Variants in MACROD2 observed in about 807,000 individuals in gnomAD.
The protein encoded by MACROD2 is mono-ADP ribosylhydrolase 2, also known as ADP-ribose glycohydrolase MACROD2.
In MACROD2, 36 loss-of-function variants were observed where a neutral mutation model predicts 70.4. The ratio of observed to expected loss-of-function variants is 0.51; its 90% CI spans 0.39 to 0.68. The LOEUF (loss-of-function observed/expected upper bound fraction) is 0.68, where lower values mean the gene tolerates loss of function less well. Ranked by LOEUF, MACROD2 falls within the 30% of genes least tolerant of loss-of-function variation. The pLI is 0.00. For synonymous variants in MACROD2, 172 were observed against 178.8 expected (o/e 0.96, Z 0.30); for missense variants, 496 against 538.4 (o/e 0.92, Z 0.78).
Position 14,508,890 on chromosome 20 carries a change from C to T in MACROD2, c.301+15382C>T, listed in dbSNP as rs190828075. ...TGTAGCCACCTATTTATCCATCTAC[C>T]AATCCATCCTTTTTGCTTATAGCAT... On this transcript the variant is annotated intron_variant, in intron 4 of 17. Transcript: ENST00000684519. Among the ~76,000 whole-genome samples the T allele has an allele frequency of 2.0e-3, 310 of 152,154 alleles. 1 individual carries two copies. Among genetic ancestry groups the T allele is most frequent in the South Asian group, 0.01 (49 of 4,820 alleles).
intron 5 of MACROD2, among the ~76,000 whole-genome samples, chr20:15,180,736 C>T (rs1197596005): frequency 2.0e-5 from 3 of 152,206 alleles, no homozygotes; most frequent in South Asian, 4.1e-4. Flanking sequence ...AGTGATCCAC[C>T]CGCCTTGGCC....
intron 8 of MACROD2, among the ~76,000 whole-genome samples, chr20:15,758,161 T>C (rs753062812): frequency 6.6e-6 from 1 of 151,820 alleles, no homozygotes; most frequent in Non-Finnish European, 1.5e-5. Flanking sequence ...AATTTATGTA[T>C]AAATTACCAA....
intron 8 of MACROD2, among the ~76,000 whole-genome samples, chr20:15,604,897 C>T (rs2048871898): frequency 6.6e-6 from 1 of 152,152 alleles, no homozygotes; most frequent in Admixed American, 6.5e-5. Flanking sequence ...CCCTTCTTTC[C>T]CTTTAGCAGT....
At chr20:15,481,072 A>G (rs961185134) in intron 7 of MACROD2, among the ~76,000 whole-genome samples, 4 of 152,200 alleles carry the variant, frequency 2.6e-5, no homozygotes, top group African/African-American at 9.7e-5. Flanking sequence ...CATTCTTCAA[A>G]CATGAAGGAC....
chr20:15,078,751 A>G (rs895451161), intron 5 of MACROD2, among the ~76,000 whole-genome samples: 1 of 148,400 alleles, frequency 6.7e-6, no homozygotes, highest in African/African-American at 2.5e-5. Context: ...GGTTCAAGCG[A>G]TTCTCCTGTC....
rs956341893 is a variant in MACROD2 at position 15,252,975 on chromosome 20, G to T, written c.540+22914G>T. Reference sequence around the variant, plus strand: ...AAATTTGCATCTGTTAATGTATGCTGTATCAGTCAGGATTCAGTCATGGAG... The same window carrying T: ...AAATTTGCATCTGTTAATGTATGCTTTATCAGTCAGGATTCAGTCATGGAG... On this transcript the variant is annotated intron_variant, in intron 6 of 17. Coordinates refer to ENST00000684519, the MANE Select transcript of MACROD2 (RefSeq NM_001351661.2). Among the ~76,000 whole-genome samples, 3 of 152,180 alleles carry T rather than the reference G, an allele frequency of 2.0e-5. No homozygotes were observed. The East Asian group carries it at 5.8e-4, about 29-fold the overall frequency.
At chr20:14,087,112 C>T (rs573311163) in intron 3 of MACROD2, among the ~76,000 whole-genome samples, 7 of 152,246 alleles carry the variant, frequency 4.6e-5, no homozygotes, top group African/African-American at 7.2e-5. Flanking sequence ...GTATCAGTTA[C>T]AGCTGGGTGC....
intron 6 of MACROD2, among the ~76,000 whole-genome samples, chr20:15,391,343 G>A (rs1363507239): frequency 6.6e-6 from 1 of 152,228 alleles, no homozygotes; most frequent in Non-Finnish European, 1.5e-5. Flanking sequence ...AATCATCCTG[G>A]AGATACAAAG....
chr20:15,626,354 G>A (rs1190909742), intron 8 of MACROD2, among the ~76,000 whole-genome samples: 5 of 152,168 alleles, frequency 3.3e-5, no homozygotes, highest in Non-Finnish European at 1.5e-5. Context: ...CTCATCAGTT[G>A]AGATGCAAAT....
intron 8 of MACROD2, among the ~76,000 whole-genome samples, chr20:15,781,471 G>A (rs2051829871): frequency 6.6e-6 from 1 of 152,136 alleles, no homozygotes; most frequent in Admixed American, 6.5e-5. Context: ...CTGAGGCTGG[G>A]AAGTCCAAGA....
intron 5 of MACROD2, among the ~76,000 whole-genome samples, chr20:14,964,048 C>A (rs1291536918): frequency 6.6e-6 from 1 of 151,498 alleles, no homozygotes; most frequent in Non-Finnish European, 1.5e-5. Context: ...AGATTTTTTT[C>A]TGTGTTTTTT....
chr20:15,073,014 C>T (rs1476339079), intron 5 of MACROD2, among the ~76,000 whole-genome samples: 1 of 152,084 alleles, frequency 6.6e-6, no homozygotes, highest in Non-Finnish European at 1.5e-5. Flanking sequence ...TCTCTCTTGC[C>T]CTTTCTTTGC....
chr20:14,324,168 A>T (rs1013442934), intron 3 of MACROD2: 3 of 152,582 alleles, frequency 2.0e-5, no homozygotes, highest in Non-Finnish European at 4.4e-5. Flanking sequence ...TAAGACCATA[A>T]TTTTTCATAT....
chr20:15,974,349 T>A (rs1312439316), intron 13 of MACROD2, among the ~76,000 whole-genome samples: 1 of 151,196 alleles, frequency 6.6e-6, no homozygotes, highest in Non-Finnish European at 1.5e-5. Context: ...TAAAAAGAAA[T>A]GAGCTATCAA....
At chr20:14,788,772 T>TTG (rs1468685179) in intron 5 of MACROD2, among the ~76,000 whole-genome samples, 1 of 139,936 alleles carries the variant, frequency 7.1e-6, no homozygotes, top group African/African-American at 2.7e-5. Flanking sequence ...TGTTTTTTTT[T>TTG]TTTTTTTTTT....
At chr20:14,124,532 A>G (rs1457429327) in intron 3 of MACROD2, among the ~76,000 whole-genome samples, 1 of 152,210 alleles carries the variant, frequency 6.6e-6, no homozygotes, top group Non-Finnish European at 1.5e-5. Context: ...CACTTCTTAC[A>G]TGATCCTGGA....
chr20:15,407,235 C>T (rs928279676), intron 6 of MACROD2, among the ~76,000 whole-genome samples: 4 of 152,080 alleles, frequency 2.6e-5, no homozygotes, highest in East Asian at 1.9e-4. Context: ...CAGTTACAGG[C>T]GAGCCAGAAA....
At chr20:14,894,539 T>C (rs1229624047) in intron 5 of MACROD2, 15 of 152,184 alleles carry the variant, frequency 9.9e-5, no homozygotes, top group African/African-American at 1.4e-4. Context: ...TCTACTTTTA[T>C]ATGAAGAAAA....
chr20:14,473,627 T>C (rs1388300026), intron 3 of MACROD2, among the ~76,000 whole-genome samples: 1 of 152,220 alleles, frequency 6.6e-6, no homozygotes, highest in Non-Finnish European at 1.5e-5. Context: ...CAGATGTCTC[T>C]TTGACATTCT....
Sources: allele counts gnomAD v4.1 joint callset (sites outside exome capture counted in the v4.1 genomes callset), GRCh38; gene constraint gnomAD v4.1.1; transcripts MANE v1.5; gene names NCBI Gene and HGNC (gene_info 2026-07-23, HGNC 2026-07-21).